Variants in SH3BP5 observed in about 807,000 individuals in gnomAD.
SH3BP5 encodes the protein SH3 domain-binding protein 5.
SH3BP5 carries 22 observed loss-of-function variants against 43.3 expected under a neutral mutation model. The observed-to-expected ratio is 0.51, with a 90% CI of 0.36 to 0.73. The LOEUF (loss-of-function observed/expected upper bound fraction) is 0.73. SH3BP5 is among the 30% of genes least tolerant of loss of function. SH3BP5 has a pLI of 0.00. For missense variants in SH3BP5, 529 were observed against 586.9 expected, an observed-to-expected ratio of 0.90 and a Z score of 1.02; for synonymous variants, 255 against 225.8, an observed-to-expected ratio of 1.13 and a Z score of -1.16.
intron 1 of SH3BP5, among the ~76,000 whole-genome samples, chr3:15,340,705 C>T (rs113397469): frequency 0.03 from 4,506 of 152,014 alleles, 134 homozygotes; most frequent in African/African-American, 0.074. Context: ...AAGCCAAGAT[C>T]GCGCCACTGT....
chr3:15,315,546 C>CA (rs1422307448), intron 2 of SH3BP5, among the ~76,000 whole-genome samples: 1 of 152,110 alleles, frequency 6.6e-6, no homozygotes. Context: ...TAAGGGTCAT[C>CA]ATGGTTTTCT....
chr3:15,256,873 G>C lies in SH3BP5; in HGVS notation c.1130C>G (p.Pro377Arg). The change falls in exon 8 of 9, where the codon CCT becomes CGT. Residue 377 changes from proline to arginine, a missense_variant. This residue lies in a region of SH3BP5 where 369 missense variants were observed against 384.3 expected (regional missense o/e 0.96). Transcript: ENST00000383791. ...CTCACCTCGTTCTACTTCACATTCA[G>C]GGGAGGAGGCCCCGCTGCATTCACT... ...PRSECSGASS[P>R]ECEVERGDRA... is the part of the protein sequence containing the mutation. The C allele has an allele frequency of 6.2e-7, 1 of 1,611,966 alleles. No homozygotes were observed. Among genetic ancestry groups the C allele is most frequent in the Non-Finnish European group, 8.5e-7 (1 of 1,178,346 alleles).
At chr3:15,271,378 T>G (rs1301622508) in intron 3 of SH3BP5, among the ~76,000 whole-genome samples, 1 of 151,834 alleles carries the variant, frequency 6.6e-6, no homozygotes, top group Non-Finnish European at 1.5e-5. Context: ...TAAATAAAAT[T>G]TAAAGATTAA....
rs757131082 is a variant in SH3BP5 at position 15,269,814 on chromosome 3, C to T, written c.394G>A (p.Ala132Thr). The T allele has an allele frequency of 2.5e-6, 4 of 1,609,292 alleles. No homozygotes were observed. Among genetic ancestry groups the T allele is most frequent in the East Asian group, 2.2e-5 (1 of 44,730 alleles). Residue 132 changes from alanine to threonine, a missense_variant, in exon 4 of 9, where the codon GCC becomes ACC. Physicochemically the swap from Ala to Thr is moderately conservative, Grantham distance 58 (BLOSUM62 0). Transcript: ENST00000383791. ...FQRATEVLRA[A>T]KETISLAEQR... ...TCGGCCAGGGAGATGGTCTCCTTGG[C>T]GGCACGGAGCACCTCTGTGGCCCTC... is the stretch of plus-strand genomic sequence containing the variant.
chr3:15,315,757 G>A (rs1316940106), intron 2 of SH3BP5, among the ~76,000 whole-genome samples: 3 of 152,194 alleles, frequency 2.0e-5, no homozygotes, highest in Admixed American at 1.3e-4. Flanking sequence ...CCTGTGTCAA[G>A]ATTCCATAAC....
At chr3:15,300,679 C>T (rs1411093256) in intron 3 of SH3BP5, among the ~76,000 whole-genome samples, 1 of 152,148 alleles carries the variant, frequency 6.6e-6, no homozygotes, top group Non-Finnish European at 1.5e-5. Context: ...TGTGCCCTGC[C>T]TCAGCCTTTG....
At chr3:15,287,682 G>T (rs144343292) in intron 3 of SH3BP5, among the ~76,000 whole-genome samples, 1 of 152,334 alleles carries the variant, frequency 6.6e-6, no homozygotes, top group African/African-American at 2.4e-5. Flanking sequence ...GAGCTAGTCA[G>T]TCTGGGAAGA....
intron 2 of SH3BP5, among the ~76,000 whole-genome samples, chr3:15,326,326 A>T (rs2125141567): frequency 6.6e-6 from 1 of 152,302 alleles, no homozygotes; most frequent in Non-Finnish European, 1.5e-5. Context: ...GGGATGTTAA[A>T]TGTGGGCCTC....
In SH3BP5 at chr3:15,291,186, C is replaced by A. The variant is rs13076010; in HGVS notation, c.330+12917G>T. Among the ~76,000 whole-genome samples, 770 of 152,282 alleles carry A rather than the reference C, an allele frequency of 5.1e-3. 5 individuals are homozygous for A. The highest frequency in any genetic ancestry group is 9.3e-3 in the Non-Finnish European group (632 of 68,024). The stretch of plus-strand genomic sequence containing the variant: ...TAGCTAGAACAGCAGCATGAGCATT[C>A]GCATGCTTTTTAGTATCACTCAACT... On this transcript the variant is annotated intron_variant, in intron 3 of 8. Transcript: ENST00000383791.
At chr3:15,300,780 T>C (rs1188080358) in intron 3 of SH3BP5, among the ~76,000 whole-genome samples, 2 of 152,114 alleles carry the variant, frequency 1.3e-5, no homozygotes, top group African/African-American at 4.8e-5. Flanking sequence ...TTTTCTACCC[T>C]GCTTCTTCCT....
chr3:15,285,537 T>A (rs1340009460), intron 3 of SH3BP5, among the ~76,000 whole-genome samples: 1 of 152,212 alleles, frequency 6.6e-6, no homozygotes, highest in Admixed American at 6.5e-5. Flanking sequence ...GTTTGCCACG[T>A]TATAAAATAG....
At position 15,332,484 on chromosome 3, in the gene SH3BP5, G is replaced by T; in HGVS notation, c.-76C>A. 1 of 1,370,116 alleles carries T rather than the reference G, an allele frequency of 7.3e-7. No individual in the cohort carries two copies. The highest frequency in any genetic ancestry group is 9.3e-7 in the Non-Finnish European group (1 of 1,069,948). 84.9% of individuals were successfully genotyped at this position (1,370,116 alleles called of 1,614,324 possible). On this transcript the variant is annotated 5_prime_UTR_variant, in exon 1 of 9. Transcript: ENST00000383791. ...GTCGCGGCTGCCACAGGCTGGGCTG[G>T]AGCCGCCTCGCCACAGCCGGGCACG... is the stretch of plus-strand genomic sequence containing the variant.
chr3:15,297,018 AAATC>A (rs1482611257), intron 3 of SH3BP5, among the ~76,000 whole-genome samples: 2 of 152,096 alleles, frequency 1.3e-5, no homozygotes, highest in African/African-American at 4.8e-5. Context: ...TCTACAAACA[AAATC>A]AATGCCTAGA....
In SH3BP5 at chr3:15,255,122, T is replaced by G. The variant is rs1020947289; in HGVS notation, c.*964A>C. ...GTTAAAGAAAAGCAGTCTTAACACTTAACTACTATTAACAGCCTTTGCCAA... is the reference window on the plus strand; with the variant it reads ...GTTAAAGAAAAGCAGTCTTAACACTGAACTACTATTAACAGCCTTTGCCAA... On this transcript the variant is annotated 3_prime_UTR_variant, in exon 9 of 9. Transcript: ENST00000383791. The G allele has an allele frequency of 6.6e-6, 1 of 152,658 alleles. No individual in the cohort carries two copies. The highest frequency in any genetic ancestry group is 6.5e-5 in the Admixed American group (1 of 15,286). The allele number at this position is 152,658 out of a possible 1,614,324, so 9.5% of individuals were successfully genotyped here. A position where few individuals can be genotyped will look rare whatever the true frequency, so the allele number is the denominator to read the frequency against.
At chr3:15,280,278 C>T (rs1339045099) in intron 3 of SH3BP5, among the ~76,000 whole-genome samples, 1 of 152,130 alleles carries the variant, frequency 6.6e-6, no homozygotes, top group Non-Finnish European at 1.5e-5. Context: ...ATCCTCCTCC[C>T]GCTCTCACCT....
chr3:15,274,255 AAAAGAAAG>A (rs201056406), intron 3 of SH3BP5, among the ~76,000 whole-genome samples: 3 of 151,174 alleles, frequency 2.0e-5, no homozygotes, highest in East Asian at 1.9e-4. Flanking sequence ...CAACAAAAAA[AAAAGAAAG>A]AAAGAAAGAA....
At position 15,330,767 on chromosome 3, in the gene SH3BP5, G is replaced by A. The variant is rs192067790; in HGVS notation, c.139-201C>T. 2,941 of 984,962 alleles carry A rather than the reference G, an allele frequency of 3.0e-3. 4 individuals are homozygous for A. Among genetic ancestry groups the A allele is most frequent in the Non-Finnish European group, 3.4e-3 (2,796 of 829,548 alleles). 61.0% of individuals were successfully genotyped at this position (984,962 alleles called of 1,614,324 possible). On this transcript the variant is annotated intron_variant, in intron 1 of 8. Coordinates refer to ENST00000383791, the MANE Select transcript of SH3BP5 (RefSeq NM_004844.5). ...GCATTTCTGAAACCATTTTCTTGAG[G>A]GTGTCCCTTTTGACAATGTCTTCAG... is the stretch of plus-strand genomic sequence containing the variant.
chr3:15,256,875 G>A lies in SH3BP5; in HGVS notation c.1128C>T (p.Ser376=). Residue 376 remains serine (S), a synonymous_variant, in exon 8 of 9, where the codon TCC becomes TCT. Transcript: ENST00000383791. The part of the protein sequence containing the change: ...GPRSECSGAS[S]PECEVERGDR... ...CACCTCGTTCTACTTCACATTCAGG[G>A]GAGGAGGCCCCGCTGCATTCACTTC... 6.2e-7 allele frequency: 1 copy of A among 1,612,472 alleles called. No homozygotes were observed. The highest frequency in any genetic ancestry group is 8.5e-7 in the Non-Finnish European group (1 of 1,178,750).
At chr3:15,260,099 C>G in intron 5 of SH3BP5, 1 of 452,640 alleles carries the variant, frequency 2.2e-6, no homozygotes, top group Non-Finnish European at 4.0e-6. Flanking sequence ...TGTTCCTCCT[C>G]TGTGGGAAGG....
Sources: gnomAD v4.1 joint callset for allele counts (sites outside exome capture counted in the v4.1 genomes callset) on GRCh38, gnomAD v4.1.1 for gene constraint, gnomAD v4.1.1 regional missense constraint, MANE v1.5 for transcripts, NCBI Gene and HGNC (gene_info 2026-07-23, HGNC 2026-07-21) for gene names.